Variants in FRMD5 observed in about 807,000 individuals in gnomAD.
FRMD5 encodes FERM domain-containing protein 5.
FRMD5 carries 20 observed loss-of-function variants against 69.0 expected under a neutral mutation model. That is an observed-to-expected ratio of 0.29 (90% CI 0.20 to 0.42). The LOEUF is 0.42. Ranked by LOEUF, FRMD5 falls within the 10% of genes least tolerant of loss-of-function variation. The probability of loss-of-function intolerance (pLI) is 1.00; values close to 1 mark genes in which losing one functional copy is unlikely to be tolerated. For synonymous variants in FRMD5, 271 were observed against 260.1 expected (o/e 1.04, Z -0.40); for missense variants, 595 against 708.6 (o/e 0.84, Z 1.82).
intron 1 of FRMD5, among the ~76,000 whole-genome samples, chr15:44,136,631 C>G (rs1338459570): frequency 6.6e-6 from 1 of 152,012 alleles, no homozygotes; most frequent in Non-Finnish European, 1.5e-5. Context: ...AAATGTGTTG[C>G]ATCTTCCAAA....
At chr15:44,082,557 CTA>C (rs1894039873) in intron 1 of FRMD5, among the ~76,000 whole-genome samples, 1 of 151,952 alleles carries the variant, frequency 6.6e-6, no homozygotes, top group Admixed American at 6.6e-5. Context: ...CCAAGAAATT[CTA>C]TGAGACAGGA....
In FRMD5 at chr15:43,874,201, G is replaced by C. The variant is rs537307351; in HGVS notation, c.1397C>G (p.Thr466Ser). ...IEEEKESEAS[T>S]PTATEVEALG... ...GGCCTCCACCTCTGTAGCAGTTGGG[G>C]TGCTGGCTTCAGATTCCTTCTCCTC... Residue 466 changes from threonine to serine, a missense_variant, in exon 14 of 14, where the codon ACC (threonine) becomes AGC (serine). By Grantham distance (58) the Thr-to-Ser change is moderately conservative. Coordinates refer to ENST00000417257, the MANE Select transcript of FRMD5 (RefSeq NM_032892.5). The C allele has an allele frequency of 3.7e-6, 6 of 1,614,202 alleles. No homozygotes were observed. In the African/African-American group the frequency reaches 8.0e-5, roughly 22 times the overall value.
rs767869992 is a variant in FRMD5, at chr15:43,873,124, A to C, written c.*761T>G. On this transcript the variant is annotated 3_prime_UTR_variant, in exon 14 of 14. Coordinates refer to ENST00000417257, the MANE Select transcript of FRMD5 (RefSeq NM_032892.5). ...CGTTAAGTCTAGTTTCATTATACAA[A>C]ACTATGGTGATGCCCACTAGGCTCT... The C allele has an allele frequency of 1.6e-5, 24 of 1,500,758 alleles. No individual in the cohort carries two copies. The South Asian group carries it at 2.7e-4, about 17-fold the overall frequency. The allele number at this position is 1,500,758 out of a possible 1,614,324, so 93.0% of individuals were successfully genotyped here. A position where few individuals can be genotyped will look rare whatever the true frequency, so the allele number is the denominator to read the frequency against.
chr15:43,988,003 T>C (rs1889478583), intron 1 of FRMD5, among the ~76,000 whole-genome samples: 1 of 152,168 alleles, frequency 6.6e-6, no homozygotes, highest in African/African-American at 2.4e-5. Flanking sequence ...TAGATTCTCA[T>C]AAGGAGCATG....
In FRMD5 at chr15:43,892,037, G is replaced by A; in HGVS notation, c.672C>T (p.Phe224=). 14 of 1,614,170 alleles carry A rather than the reference G, an allele frequency of 8.7e-6. No homozygotes were observed. The highest frequency in any genetic ancestry group is 1.2e-5 in the Non-Finnish European group (14 of 1,180,006). The part of the protein sequence containing the change: ...DVSGNAAFLA[F]TPFGFVVLQG... ...GAAGAACAACAAACCCAAAAGGAGT[G>A]AAGGCCAGAAATGCAGCATTTCCTG... Residue 224 remains phenylalanine (F), a synonymous_variant, in exon 8 of 14, where the codon TTC becomes TTT. Coordinates refer to ENST00000417257, the MANE Select transcript of FRMD5 (RefSeq NM_032892.5).
chr15:43,985,117 A>G (rs1384802311), intron 1 of FRMD5, among the ~76,000 whole-genome samples: 2 of 151,384 alleles, frequency 1.3e-5, no homozygotes, highest in Non-Finnish European at 1.5e-5. Context: ...CATCTCTATT[A>G]AAAATACAAA....
At chr15:44,005,620 T>C (rs191415187) in intron 1 of FRMD5, among the ~76,000 whole-genome samples, 10 of 152,108 alleles carry the variant, frequency 6.6e-5, no homozygotes, top group African/African-American at 2.4e-4. Flanking sequence ...CTTACAATCA[T>C]GGTGGAAGGC....
At position 44,195,235 on chromosome 15, in the gene FRMD5, A is replaced by G; in HGVS notation, c.-181T>C. The stretch of plus-strand genomic sequence containing the variant: ...TATCCTCCTCCTTCCCTCAGCCGCC[A>G]CCGCCTCCCCCCAGCCCAGATCAAG... On this transcript the variant is annotated 5_prime_UTR_variant, in exon 1 of 14. Coordinates refer to ENST00000417257, the MANE Select transcript of FRMD5 (RefSeq NM_032892.5). 1 of 534,160 alleles carries G rather than the reference A, an allele frequency of 1.9e-6. No homozygotes were observed. Among genetic ancestry groups the G allele is most frequent in the Non-Finnish European group, 3.3e-6 (1 of 306,290 alleles). The allele number at this position is 534,160 out of a possible 1,614,324, so 33.1% of individuals were successfully genotyped here. A position where few individuals can be genotyped will look rare whatever the true frequency, so the allele number is the denominator to read the frequency against.
At chr15:44,125,294 C>A (rs1397481017) in intron 1 of FRMD5, among the ~76,000 whole-genome samples, 1 of 151,830 alleles carries the variant, frequency 6.6e-6, no homozygotes, top group Non-Finnish European at 1.5e-5. Context: ...AGGGTGAGAC[C>A]CCCATCTCTT....
intron 1 of FRMD5, among the ~76,000 whole-genome samples, chr15:44,171,825 G>A (rs139750320): frequency 8.4e-4 from 128 of 152,296 alleles, no homozygotes; most frequent in African/African-American, 2.6e-3. Flanking sequence ...GCACAGCGGC[G>A]TGATCTAGGC....
chr15:43,925,784 G>A (rs935048644), intron 1 of FRMD5, among the ~76,000 whole-genome samples: 12 of 152,126 alleles, frequency 7.9e-5, no homozygotes, highest in South Asian at 2.1e-4. Flanking sequence ...TCCCTCTGCC[G>A]GGAATGTTCT....
chr15:44,195,136 C>T lies in FRMD5; in HGVS notation c.-82G>A. The T allele has an allele frequency of 8.9e-7, 1 of 1,129,130 alleles. No homozygotes were observed. Among genetic ancestry groups the T allele is most frequent in the Non-Finnish European group, 1.2e-6 (1 of 820,176 alleles). The allele number at this position is 1,129,130 out of a possible 1,614,324, so 69.9% of individuals were successfully genotyped here. Reference sequence around the variant, plus strand: ...GTCCCTCAGCCCGGCAGCTCCGCACCGACCCCAGGCACCTGCACCATCACC... The same window carrying T: ...GTCCCTCAGCCCGGCAGCTCCGCACTGACCCCAGGCACCTGCACCATCACC... On this transcript the variant is annotated 5_prime_UTR_variant, in exon 1 of 14. Transcript: ENST00000417257.
At chr15:44,092,599 A>C (rs899960835) in intron 1 of FRMD5, among the ~76,000 whole-genome samples, 1 of 152,192 alleles carries the variant, frequency 6.6e-6, no homozygotes, top group African/African-American at 2.4e-5. Flanking sequence ...CACTGTGTTC[A>C]TCATAGGATA....
chr15:43,875,363 A>AAATAT (rs1366807150), intron 13 of FRMD5, among the ~76,000 whole-genome samples: 23 of 105,324 alleles, frequency 2.2e-4, no homozygotes, highest in African/African-American at 3.6e-4. Context: ...AAAAAAAAAA[A>AAATAT]ATATATATAT....
At chr15:43,939,517 G>A (rs1183793014) in intron 1 of FRMD5, among the ~76,000 whole-genome samples, 2 of 152,052 alleles carry the variant, frequency 1.3e-5, no homozygotes, top group African/African-American at 4.8e-5. Flanking sequence ...GTGTCTTATA[G>A]TTGTTCTCTG....
At chr15:43,990,766 A>T (rs1166540834) in intron 1 of FRMD5, among the ~76,000 whole-genome samples, 1 of 152,262 alleles carries the variant, frequency 6.6e-6, no homozygotes, top group Non-Finnish European at 1.5e-5. Flanking sequence ...GACTAAAAAA[A>T]CTGGCCATAG....
intron 13 of FRMD5, chr15:43,879,607 A>C (rs1382560528): frequency 1.0e-5 from 4 of 398,976 alleles, no homozygotes; most frequent in African/African-American, 8.2e-5. Context: ...GGCCGAAAGC[A>C]GTGATTAGTC....
intron 1 of FRMD5, among the ~76,000 whole-genome samples, chr15:44,179,902 A>C (rs2077965593): frequency 6.6e-6 from 1 of 152,162 alleles, no homozygotes; most frequent in Non-Finnish European, 1.5e-5. Context: ...AGCTAGGCAC[A>C]GTGGTGTGTG....
At chr15:44,072,548 C>T (rs1893586569) in intron 1 of FRMD5, among the ~76,000 whole-genome samples, 1 of 152,166 alleles carries the variant, frequency 6.6e-6, no homozygotes, top group South Asian at 2.1e-4. Flanking sequence ...CTTTAAAATG[C>T]TTTAGAATTA....
Sources: gnomAD v4.1 joint callset for allele counts (sites outside exome capture counted in the v4.1 genomes callset) on GRCh38, gnomAD v4.1.1 for gene constraint, MANE v1.5 for transcripts, NCBI Gene and HGNC (gene_info 2026-07-23, HGNC 2026-07-21) for gene names.